The following USP43 variants were observed in gnomAD, a reference collection of about 807,000 sequenced individuals.
USP43 encodes the protein ubiquitin carboxyl-terminal hydrolase 43.
A neutral mutation model predicts 90.7 loss-of-function variants in USP43; 33 were observed. That is an observed-to-expected ratio of 0.36 (90% CI 0.28 to 0.49). USP43 has a LOEUF of 0.49. Among genes scored for constraint, USP43 ranks in the 20% least tolerant of loss-of-function variants. The pLI is 0.98. For missense variants in USP43, 1,274 were observed against 1,476.4 expected (o/e 0.86, Z 2.25); for synonymous variants, 598 against 615.8 (o/e 0.97, Z 0.43).
intron 2 of USP43, among the ~76,000 whole-genome samples, chr17:9,663,410 G>A (rs1408992733): frequency 1.3e-5 from 2 of 151,430 alleles, no homozygotes; most frequent in Admixed American, 6.6e-5. Context: ...CGATTCTCCT[G>A]TCTCAGCCTC....
At chr17:9,700,070 T>A (rs1915483897) in intron 9 of USP43, 102 bp from the exon 10 acceptor site, 5 of 1,146,192 alleles carry the variant, frequency 4.4e-6, no homozygotes, top group African/African-American at 1.6e-5. Flanking sequence ...TATTTCTGTT[T>A]GGAACATCAG....
At chr17:9,700,287 C>T (rs1439569922) in intron 10 of USP43, 38 bp downstream of exon 10, 5 of 1,557,854 alleles carry the variant, frequency 3.2e-6, no homozygotes, top group Non-Finnish European at 2.6e-6. Flanking sequence ...AGAGCTGAGA[C>T]AGGGCCTGTG....
At chr17:9,658,226 A>G (rs429068) in intron 2 of USP43, among the ~76,000 whole-genome samples, 56,652 of 152,116 alleles carry the variant, frequency 0.37, 12,596 homozygotes, top group African/African-American at 0.64. Flanking sequence ...GTGTTTGCTC[A>G]GAGCCCGTCA....
rs186277618 is a variant in USP43 at position 9,697,582 on chromosome 17, G to T, written c.1458-2590G>T. On this transcript the variant is annotated intron_variant, in intron 9 of 14. Coordinates refer to ENST00000285199, the MANE Select transcript of USP43 (RefSeq NM_153210.5). ...TCTCACTTATAAATGAGGACATGTG[G>T]TATTTGATTTTCTGTTTCTGCATTC... is the stretch of plus-strand genomic sequence containing the variant. 6.5e-4 allele frequency among the ~76,000 whole-genome samples: 99 copies of T among 151,784 alleles called. 1 individual carries two copies. The South Asian group carries it at 8.7e-3, about 13-fold the overall frequency.
chr17:9,718,653 C>A (rs1241674303), intron 14 of USP43, among the ~76,000 whole-genome samples: 1 of 149,156 alleles, frequency 6.7e-6, no homozygotes, highest in East Asian at 2.2e-4. Flanking sequence ...CCAGCCTGAC[C>A]AACATAGAGA....
intron 8 of USP43, among the ~76,000 whole-genome samples, chr17:9,689,028 C>T (rs1265209211): frequency 6.6e-6 from 1 of 152,080 alleles, no homozygotes; most frequent in African/African-American, 2.4e-5. Flanking sequence ...ATCAATGGGG[C>T]CAGCAAAATA....
At chr17:9,664,601 G>A (rs2151967207) in intron 2 of USP43, among the ~76,000 whole-genome samples, 1 of 151,866 alleles carries the variant, frequency 6.6e-6, no homozygotes, top group East Asian at 1.9e-4. Flanking sequence ...GAGAGGTGCT[G>A]CTCTAGGGCA....
At chr17:9,721,720 ATTT>A (rs11340592) in intron 14 of USP43, among the ~76,000 whole-genome samples, 6 of 119,074 alleles carry the variant, frequency 5.0e-5, no homozygotes, top group Admixed American at 1.8e-4. Context: ...GTATAGCTGT[ATTT>A]TTTTTTTTTT....
chr17:9,669,387 A>C (rs780835912), intron 3 of USP43, among the ~76,000 whole-genome samples: 14 of 151,930 alleles, frequency 9.2e-5, no homozygotes, highest in Non-Finnish European at 2.1e-4. Flanking sequence ...TCGTCCACAT[A>C]CTCTTCTTCC....
intron 14 of USP43, among the ~76,000 whole-genome samples, chr17:9,719,559 C>A (rs1415799973): frequency 6.6e-6 from 1 of 152,186 alleles, no homozygotes; most frequent in East Asian, 1.9e-4. Flanking sequence ...GTAAAGCTCA[C>A]CCCTAGAAAG....
chr17:9,712,121 A>G lies in USP43; in HGVS notation c.2324A>G (p.Asn775Ser), dbSNP rs1172540339. Residue 775 changes from asparagine (N) to serine (S), a missense_variant, in exon 14 of 15, where the codon AAT becomes AGT. Asn to Ser is a conservative substitution (Grantham distance 46). Transcript: ENST00000285199. ...DSPIFTNSLC[N>S]QEKGGLEPRR... ...CCCATCTTCACCAACAGCCTCTGCA[A>G]TCAGGAAAAGGGTATGTTGGTTAAA... The G allele has an allele frequency of 2.5e-6, 4 of 1,592,028 alleles. No homozygotes were observed. Among genetic ancestry groups the G allele is most frequent in the Non-Finnish European group, 2.6e-6 (3 of 1,168,912 alleles).
chr17:9,711,490 G>A (rs527912760), intron 13 of USP43, among the ~76,000 whole-genome samples: 24 of 152,164 alleles, frequency 1.6e-4, no homozygotes, highest in African/African-American at 2.6e-4. Context: ...GTACAGTAGC[G>A]CGATTTCGGC....
intron 9 of USP43, among the ~76,000 whole-genome samples, chr17:9,694,587 A>G (rs766049873): frequency 4.6e-5 from 7 of 151,598 alleles, no homozygotes; most frequent in Non-Finnish European, 8.8e-5. Flanking sequence ...GTCTTTCCTC[A>G]CCCCCCATTA....
In USP43 at chr17:9,693,289, C is replaced by A. The variant is rs553421504; in HGVS notation, c.1457+59C>A. ...GAACCCTTTCTTATTTTACCAGAGT[C>A]CTTTGAGGGTATATGTCAATGAGAT... On this transcript the variant is annotated intron_variant, in intron 9 of 14. Transcript: ENST00000285199. The A allele has an allele frequency of 2.8e-5, 39 of 1,371,650 alleles. 1 individual carries two copies. The South Asian group carries it at 4.3e-4, about 15-fold the overall frequency. The allele number at this position is 1,371,650 out of a possible 1,614,324, so 85.0% of individuals were successfully genotyped here.
chr17:9,677,402 C>T (rs1293488395), intron 5 of USP43, among the ~76,000 whole-genome samples: 2 of 152,174 alleles, frequency 1.3e-5, no homozygotes, highest in African/African-American at 4.8e-5. Flanking sequence ...CAATATAAAC[C>T]AGGACAGTAA....
At chr17:9,680,489 TC>T in intron 6 of USP43, 123 bp downstream of exon 6, 2 of 1,137,064 alleles carry the variant, frequency 1.8e-6, no homozygotes, top group South Asian at 3.2e-5. Context: ...AGACTTATTA[TC>T]CCTGGCATTC....
At position 9,680,423 on chromosome 17, in the gene USP43, G is replaced by A. The variant is rs1254034874; in HGVS notation, c.1105+57G>A. The A allele has an allele frequency of 2.5e-6, 4 of 1,596,162 alleles. No homozygotes were observed. In the East Asian group the frequency reaches 9.0e-5, roughly 36 times the overall value. ...GCTATGATGAGTTACAGGTTTCAGAGGATACTCCTTGGGTGCAAAGGCATA... is the reference window on the plus strand; with the variant it reads ...GCTATGATGAGTTACAGGTTTCAGAAGATACTCCTTGGGTGCAAAGGCATA... On this transcript the variant is annotated intron_variant, in intron 6 of 14. Transcript: ENST00000285199.
At chr17:9,687,682 T>G (rs577882602) in intron 8 of USP43, among the ~76,000 whole-genome samples, 7 of 152,332 alleles carry the variant, frequency 4.6e-5, no homozygotes, top group African/African-American at 1.7e-4. Flanking sequence ...AGCTTTTTAT[T>G]TGGGGCACAC....
chr17:9,670,561 C>T (rs751041292), intron 3 of USP43, among the ~76,000 whole-genome samples: 5 of 152,130 alleles, frequency 3.3e-5, no homozygotes, highest in Admixed American at 1.3e-4. Context: ...GTCTTGCTAA[C>T]GGGGTGAGGG....
Sources: allele counts gnomAD v4.1 joint callset (sites outside exome capture counted in the v4.1 genomes callset), GRCh38; gene constraint gnomAD v4.1.1; transcripts MANE v1.5; gene names NCBI Gene and HGNC (gene_info 2026-07-23, HGNC 2026-07-21).